SRL: variants seen among roughly 807,000 people sequenced by gnomAD.
SRL encodes the protein sarcalumenin.
In SRL, 23 loss-of-function variants were observed where a neutral mutation model predicts 39.5. The ratio of observed to expected loss-of-function variants is 0.58; its 90% CI spans 0.42 to 0.82. The LOEUF (loss-of-function observed/expected upper bound fraction) is 0.82. SRL is among the 40% of genes least tolerant of loss of function. SRL has a pLI of 0.00. For missense variants in SRL, 592 were observed against 607.8 expected (o/e 0.97, Z 0.27); for synonymous variants, 272 against 237.4 (o/e 1.15, Z -1.34).
intron 1 of SRL, among the ~76,000 whole-genome samples, chr16:4,221,502 C>A (rs1416352428): frequency 6.6e-6 from 1 of 152,180 alleles, no homozygotes; most frequent in East Asian, 1.9e-4. Context: ...TGTCCCCAGG[C>A]TGACCCTCCC....
At chr16:4,228,561 C>G (rs540315258) in intron 1 of SRL, among the ~76,000 whole-genome samples, 1 of 151,884 alleles carries the variant, frequency 6.6e-6, no homozygotes, top group South Asian at 2.1e-4. Context: ...CGGTGAAACC[C>G]CGTCTCTACT....
At chr16:4,223,389 A>G (rs938607914) in intron 1 of SRL, among the ~76,000 whole-genome samples, 1 of 96,700 alleles carries the variant, frequency 1.0e-5, no homozygotes, top group Non-Finnish European at 2.5e-5. Flanking sequence ...CCTTTTTTTT[A>G]TTTTAAGATA....
intron 1 of SRL, among the ~76,000 whole-genome samples, chr16:4,236,529 T>C (rs1161335706): frequency 3.9e-5 from 6 of 152,098 alleles, no homozygotes; most frequent in Non-Finnish European, 7.4e-5. Flanking sequence ...TTTACGTAAA[T>C]GAATCTCACT....
At chr16:4,227,163 T>C (rs1454265029) in intron 1 of SRL, among the ~76,000 whole-genome samples, 3 of 149,096 alleles carry the variant, frequency 2.0e-5, no homozygotes, top group Admixed American at 6.7e-5. Context: ...GGTGGATGAA[T>C]GGAAGGGTGG....
chr16:4,199,533 G>T (rs907794845), intron 3 of SRL, among the ~76,000 whole-genome samples: 1 of 151,376 alleles, frequency 6.6e-6, no homozygotes, highest in African/African-American at 2.4e-5. Context: ...ACCAAGCCCA[G>T]CTCATTTTTG....
intron 1 of SRL, among the ~76,000 whole-genome samples, chr16:4,219,965 G>A (rs533905016): frequency 6.6e-6 from 1 of 152,132 alleles, no homozygotes; most frequent in East Asian, 1.9e-4. Context: ...AAAAGAAGAT[G>A]GGACCAGAAG....
In SRL at chr16:4,195,577, C is replaced by T. The variant is rs759301381; in HGVS notation, c.586G>A (p.Glu196Lys). Residue 196 changes from glutamate to lysine, a missense_variant, in exon 5 of 6, where the codon GAG (glutamate) becomes AAG (lysine). Physicochemically the swap from Glu to Lys is moderately conservative, Grantham distance 56. Coordinates refer to ENST00000399609, the MANE Select transcript of SRL (RefSeq NM_001098814.2). ...CCTCTTTCTTGCTGCTTGCGGTTCT[C>T]GATGATGCCTGGTGTATCCACAAAA... ...VTFVDTPGIIENRKQQERGYP... is the reference protein window; with the variant it reads ...VTFVDTPGIIKNRKQQERGYP... 2.7e-5 allele frequency: 43 copies of T among 1,614,018 alleles called. No individual in the cohort carries two copies. The highest frequency in any genetic ancestry group is 1.8e-4 in the Admixed American group (11 of 59,998).
chr16:4,200,696 C>G (rs1445716788), intron 3 of SRL, among the ~76,000 whole-genome samples: 3 of 152,198 alleles, frequency 2.0e-5, no homozygotes, highest in Non-Finnish European at 4.4e-5. Flanking sequence ...TGTGCATCCA[C>G]TACAAAGGGG....
At chr16:4,220,712 A>T (rs1279733908) in intron 1 of SRL, among the ~76,000 whole-genome samples, 1 of 152,122 alleles carries the variant, frequency 6.6e-6, no homozygotes, top group African/African-American at 2.4e-5. Flanking sequence ...GGCTCTCTGC[A>T]TCTGTCTCAT....
chr16:4,192,842 C>T lies in SRL; in HGVS notation c.733G>A (p.Gly245Arg). The T allele has an allele frequency of 6.2e-7, 1 of 1,614,198 alleles. No homozygotes were observed. Among genetic ancestry groups the T allele is most frequent in the Non-Finnish European group, 8.5e-7 (1 of 1,180,038 alleles). Residue 245 changes from glycine (G) to arginine (R), a missense_variant, in exon 6 of 6, where the codon GGG (glycine) becomes AGG (arginine). Transcript: ENST00000399609. This position sits in a 1 kb window ranked among gnomAD's most constrained non-coding sequence, Gnocchi z 4.0. Reference sequence around the variant, plus strand: ...ATGATCCTTATCTGGGATTCACGCCCCTTCAACTGGCGGAAGAGCATCTCC... The same window carrying T: ...ATGATCCTTATCTGGGATTCACGCCTCTTCAACTGGCGGAAGAGCATCTCC... ...ELEMLFRQLK[G>R]RESQIRIILN...
intron 1 of SRL, among the ~76,000 whole-genome samples, chr16:4,237,305 A>G (rs1238743343): frequency 6.6e-6 from 1 of 152,010 alleles, no homozygotes; most frequent in East Asian, 1.9e-4. Flanking sequence ...TGGCAAGATC[A>G]TTCTCCCAGT....
intron 3 of SRL, among the ~76,000 whole-genome samples, chr16:4,201,116 A>AT (rs3081044): frequency 0.2 from 29,258 of 146,350 alleles, 3,277 homozygotes; most frequent in African/African-American, 0.28. Flanking sequence ...CAGGGTTCCA[A>AT]TTTTTTTTTT....
At chr16:4,208,395 C>A (rs1243255862) in intron 1 of SRL, among the ~76,000 whole-genome samples, 1 of 152,144 alleles carries the variant, frequency 6.6e-6, no homozygotes, top group Non-Finnish European at 1.5e-5. Context: ...ACCGCCCCCG[C>A]ACCGCGACCC....
chr16:4,214,069 A>C (rs535780391), intron 1 of SRL, among the ~76,000 whole-genome samples: 3 of 152,254 alleles, frequency 2.0e-5, no homozygotes, highest in Admixed American at 2.0e-4. Context: ...GATTCTACAG[A>C]ACACCAGCAT....
intron 5 of SRL, among the ~76,000 whole-genome samples, chr16:4,193,656 T>C (rs2052097119): frequency 6.6e-6 from 1 of 152,214 alleles, no homozygotes; most frequent in African/African-American, 2.4e-5. Context: ...GATTACCATG[T>C]TGCTGTAAAT....
intron 2 of SRL, among the ~76,000 whole-genome samples, chr16:4,204,240 G>A (rs961901242): frequency 1.3e-5 from 2 of 152,160 alleles, no homozygotes; most frequent in Non-Finnish European, 2.9e-5. Context: ...GCACAGCATG[G>A]GGCTGCACTG....
intron 1 of SRL, among the ~76,000 whole-genome samples, chr16:4,240,335 G>A (rs964356876): frequency 5.3e-5 from 8 of 152,180 alleles, no homozygotes; most frequent in Non-Finnish European, 8.8e-5. Flanking sequence ...CTGTCATGAT[G>A]GGGGCGTGAG....
At chr16:4,233,973 T>C (rs563577062) in intron 1 of SRL, among the ~76,000 whole-genome samples, 1 of 152,262 alleles carries the variant, frequency 6.6e-6, no homozygotes, top group African/African-American at 2.4e-5. Flanking sequence ...GGGCTGGCCA[T>C]GGCCTGCATT....
chr16:4,201,132 G>C, intron 3 of SRL, among the ~76,000 whole-genome samples: 1 of 54,434 alleles, frequency 1.8e-5, no homozygotes, highest in East Asian at 4.8e-4. Flanking sequence ...TTTTTTTTTT[G>C]AGACAGGGTC....
Sources: allele counts gnomAD v4.1 joint callset (sites outside exome capture counted in the v4.1 genomes callset), GRCh38; gene constraint gnomAD v4.1.1; non-coding constraint Gnocchi (gnomAD v3.1); transcripts MANE v1.5; gene names NCBI Gene and HGNC (gene_info 2026-07-23, HGNC 2026-07-21).